CTXN2: variants seen among roughly 807,000 people sequenced by gnomAD.
The protein encoded by CTXN2 is cortexin 2.
In CTXN2, 3 loss-of-function variants were observed where a neutral mutation model predicts 5.7. That is an observed-to-expected ratio of 0.53 (90% CI 0.24 to 1.36). The LOEUF is 1.36. CTXN2 is among the 40% of genes most tolerant of loss of function. The pLI is 0.17. For synonymous variants in CTXN2, 38 were observed against 36.4 expected, an observed-to-expected ratio of 1.04 and a Z score of -0.16; for missense variants, 87 against 93.0, an observed-to-expected ratio of 0.94 and a Z score of 0.26.
chr15:48,199,827 CTT>C (rs1279658893), intron 1 of CTXN2, among the ~76,000 whole-genome samples: 1 of 152,062 alleles, frequency 6.6e-6, no homozygotes, highest in African/African-American at 2.4e-5. Context: ...CAAAAAATGA[CTT>C]AGTGGAAAGA....
intron 1 of CTXN2, among the ~76,000 whole-genome samples, chr15:48,194,796 A>C (rs2040861555): frequency 1.3e-5 from 2 of 152,276 alleles, no homozygotes; most frequent in South Asian, 4.1e-4. Context: ...GAACAAGTCC[A>C]TCTGGCTTCC....
chr15:48,192,140 G>T (rs1036652478), intron 1 of CTXN2: 3 of 219,304 alleles, frequency 1.4e-5, no homozygotes, highest in African/African-American at 6.8e-5. Context: ...ATAATGTTTT[G>T]TAGGAAGTTT....
Position 48,191,835 on chromosome 15 carries a change from A to G in CTXN2, c.-76A>G, listed in dbSNP as rs1407017744. The G allele has an allele frequency of 1.8e-5, 8 of 455,844 alleles. No individual in the cohort carries two copies. Among genetic ancestry groups the G allele is most frequent in the Non-Finnish European group, 1.8e-5 (4 of 226,766 alleles). The allele number at this position is 455,844 out of a possible 1,614,324, so 28.2% of individuals were successfully genotyped here. ...AGTCTACTGGCTGGACTTCATCTCCATGGCAACAAGCATGGAAGGTGAGAC... is the reference window on the plus strand; with the variant it reads ...AGTCTACTGGCTGGACTTCATCTCCGTGGCAACAAGCATGGAAGGTGAGAC... On this transcript the variant is annotated 5_prime_UTR_variant, in exon 1 of 2. It removes an upstream start codon present in the reference 5' UTR. Transcript: ENST00000417307.
In CTXN2 at chr15:48,201,445, T is replaced by C; in HGVS notation, c.145T>C (p.Phe49Leu). Residue 49 changes from phenylalanine to leucine, a missense_variant, in exon 2 of 2, where the codon TTC (phenylalanine) becomes CTC (leucine). Transcript: ENST00000417307. ...CTTGGGACTTCTTATTATCCGATGC[T>C]TCAAAATCCTGCTAGACCCATATAG... Reference protein sequence around the residue: ...IFLGLLIIRCFKILLDPYSSM... With the variant: ...IFLGLLIIRCLKILLDPYSSM... 6.4e-7 allele frequency: 1 copy of C among 1,551,372 alleles called. No homozygotes were observed. Among genetic ancestry groups the C allele is most frequent in the South Asian group, 1.2e-5 (1 of 84,058 alleles).
intron 1 of CTXN2, among the ~76,000 whole-genome samples, chr15:48,183,697 A>T (rs150484770): frequency 1.1e-3 from 166 of 152,328 alleles, no homozygotes; most frequent in African/African-American, 3.7e-3. Flanking sequence ...GTATGTAAAA[A>T]TACTTGTGAC....
At chr15:48,178,525 C>G in intron 1 of CTXN2, 1 of 351,982 alleles carries the variant, frequency 2.8e-6, no homozygotes, top group Non-Finnish European at 5.1e-6. Context: ...CCTGAAAGCC[C>G]CCGGTGGTGG....
chr15:48,179,185 G>A (rs1025848884), intron 1 of CTXN2, among the ~76,000 whole-genome samples: 2 of 151,964 alleles, frequency 1.3e-5, no homozygotes, highest in Non-Finnish European at 2.9e-5. Flanking sequence ...CTTTCACATT[G>A]ACATAACCTT....
chr15:48,186,675 C>T (rs1183450334), upstream of CTXN2, among the ~76,000 whole-genome samples: 1 of 151,752 alleles, frequency 6.6e-6, no homozygotes, highest in Admixed American at 6.6e-5. Context: ...CCAAGGCAGG[C>T]GGATCATGAG....
intron 1 of CTXN2, among the ~76,000 whole-genome samples, chr15:48,194,933 G>A (rs995693803): frequency 1.3e-5 from 2 of 151,806 alleles, no homozygotes; most frequent in African/African-American, 4.8e-5. Flanking sequence ...TATGTACTGG[G>A]CTCTCTCCAT....
intron 1 of CTXN2, among the ~76,000 whole-genome samples, chr15:48,195,200 C>T (rs1158435089): frequency 1.3e-5 from 2 of 151,988 alleles, no homozygotes; most frequent in South Asian, 2.1e-4. Context: ...TACACTTGTC[C>T]GAGCTTAATA....
At chr15:48,180,359 C>A (rs2040690041) in intron 1 of CTXN2, among the ~76,000 whole-genome samples, 1 of 152,202 alleles carries the variant, frequency 6.6e-6, no homozygotes, top group South Asian at 2.1e-4. Flanking sequence ...AATGATTAAT[C>A]TTTACCATTC....
chr15:48,187,161 C>G (rs577750422), upstream of CTXN2, among the ~76,000 whole-genome samples: 1 of 148,844 alleles, frequency 6.7e-6, no homozygotes, highest in African/African-American at 2.6e-5. Flanking sequence ...TCTTATTCCT[C>G]CCCCCGAAAC....
At chr15:48,187,302 C>T (rs2040767517), upstream of CTXN2, among the ~76,000 whole-genome samples, 1 of 150,930 alleles carries the variant, frequency 6.6e-6, no homozygotes. Context: ...CAAACATCAT[C>T]TAAAGCCAAA....
Position 48,203,392 on chromosome 15 carries a change from C to T in CTXN2, c.*1846C>T, listed in dbSNP as rs1282862344. 6.0e-6 allele frequency: 1 copy of T among 167,052 alleles called. No individual in the cohort carries two copies. Among genetic ancestry groups the T allele is most frequent in the Non-Finnish European group, 1.5e-5 (1 of 68,116 alleles). The allele number at this position is 167,052 out of a possible 1,614,324, so 10.3% of individuals were successfully genotyped here. On this transcript the variant is annotated 3_prime_UTR_variant, in exon 2 of 2. Coordinates refer to ENST00000417307, the MANE Select transcript of CTXN2 (RefSeq NM_001145668.2). ...ACCCCAGTTGGTTCAAGAGTGTAGG[C>T]CTGGTACACCTCATAGCCAGTTAGT...
intron 1 of CTXN2, among the ~76,000 whole-genome samples, chr15:48,182,392 A>G (rs1245267892): frequency 6.6e-6 from 1 of 152,206 alleles, no homozygotes; most frequent in East Asian, 1.9e-4. Flanking sequence ...GTGATCCTCC[A>G]TTTCATGAAA....
At chr15:48,186,220 A>G (rs1311414680) in intron 1 of CTXN2, among the ~76,000 whole-genome samples, 1 of 152,248 alleles carries the variant, frequency 6.6e-6, no homozygotes, top group Non-Finnish European at 1.5e-5. Flanking sequence ...TAAAACTAAA[A>G]GCAATTAAAT....
intron 1 of CTXN2, among the ~76,000 whole-genome samples, chr15:48,179,254 G>A (rs1199765313): frequency 1.3e-5 from 2 of 151,886 alleles, no homozygotes; most frequent in Non-Finnish European, 2.9e-5. Flanking sequence ...AAGCAAACAC[G>A]TACAGTTTAG....
chr15:48,191,863 C>T lies in CTXN2; in HGVS notation c.-58+10C>T, dbSNP rs1283303384. On this transcript the variant is annotated intron_variant, in intron 1 of 1. Coordinates refer to ENST00000417307, the MANE Select transcript of CTXN2 (RefSeq NM_001145668.2). ...GCAACAAGCATGGAAGGTGAGACAT[C>T]GCTGTCTGCGAAGTAACTTTCTCCC... The T allele has an allele frequency of 2.2e-6, 1 of 455,322 alleles. No individual in the cohort carries two copies. Among genetic ancestry groups the T allele is most frequent in the Admixed American group, 2.4e-5 (1 of 42,550 alleles). The allele number at this position is 455,322 out of a possible 1,614,324, so 28.2% of individuals were successfully genotyped here.
At chr15:48,180,621 C>T (rs1307473659) in intron 1 of CTXN2, among the ~76,000 whole-genome samples, 1 of 152,212 alleles carries the variant, frequency 6.6e-6, no homozygotes, top group Non-Finnish European at 1.5e-5. Context: ...ATACCGTTCT[C>T]CTGCCTCAGC....
Sources: gnomAD v4.1 joint callset for allele counts (sites outside exome capture counted in the v4.1 genomes callset) on GRCh38, gnomAD v4.1.1 for gene constraint, MANE v1.5 for transcripts, NCBI Gene and HGNC (gene_info 2026-07-23, HGNC 2026-07-21) for gene names.